MRC1: variants seen among roughly 807,000 people sequenced by gnomAD.
MRC1 encodes macrophage mannose receptor 1.
MRC1 carries 62 observed loss-of-function variants against 102.9 expected under a neutral mutation model. That is an observed-to-expected ratio of 0.60 (90% CI 0.49 to 0.74). The LOEUF (loss-of-function observed/expected upper bound fraction) is 0.74. Among genes scored for constraint, MRC1 ranks in the 30% least tolerant of loss-of-function variants. The probability of loss-of-function intolerance (pLI) is 0.00; values close to 1 mark genes in which losing one functional copy is unlikely to be tolerated. For missense variants in MRC1, 1,237 were observed against 862.8 expected (o/e 1.43, Z -5.43); for synonymous variants, 457 against 298.4 (o/e 1.53, Z -5.48).
intron 28 of MRC1, 69 bp from the exon 29 acceptor site, chr10:17,909,237 C>T: frequency 1.3e-6 from 1 of 774,672 alleles, no homozygotes; most frequent in South Asian, 1.4e-5. Flanking sequence ...TATTTGTGAG[C>T]CAAATAATAT....
Position 17,879,702 on chromosome 10 carries a change from C to T in MRC1, c.2619-19C>T, listed in dbSNP as rs1364021092. The T allele has an allele frequency of 1.7e-5, 13 of 780,674 alleles. No homozygotes were observed. The highest frequency in any genetic ancestry group is 7.2e-6 in the Non-Finnish European group (3 of 417,956). The allele number at this position is 780,674 out of a possible 1,614,324, so 48.4% of individuals were successfully genotyped here. On this transcript the variant is annotated intron_variant, in intron 18 of 29. Coordinates refer to ENST00000569591, the MANE Select transcript of MRC1 (RefSeq NM_002438.4). ...CTAATGATTGGATCGTTTCAAAATG[C>T]CTGAATTTTCTTTTCCAGTTGGATG...
chr10:17,852,228 G>T (rs1838927840), intron 7 of MRC1, among the ~76,000 whole-genome samples: 1 of 152,042 alleles, frequency 6.6e-6, no homozygotes, highest in African/African-American at 2.4e-5. Flanking sequence ...AAAACAAAAT[G>T]ATCATGTTTT....
chr10:17,851,311 C>T (rs1838912910), intron 7 of MRC1, among the ~76,000 whole-genome samples: 1 of 151,428 alleles, frequency 6.6e-6, no homozygotes, highest in African/African-American at 2.4e-5. Context: ...TTATTTTAAA[C>T]AATAAAATAA....
At chr10:17,856,996 A>G (rs1324167616) in intron 9 of MRC1, among the ~76,000 whole-genome samples, 1 of 152,234 alleles carries the variant, frequency 6.6e-6, no homozygotes, top group Non-Finnish European at 1.5e-5. Context: ...TGATTGCTAC[A>G]TCTTCTTTTC....
intron 8 of MRC1, among the ~76,000 whole-genome samples, chr10:17,855,741 G>A (rs782418505): frequency 0.11 from 16,640 of 151,882 alleles, 1,081 homozygotes; most frequent in Non-Finnish European, 0.15. Context: ...TTACATGTTT[G>A]TAGCTAGAGT....
At chr10:17,867,225 A>T in intron 12 of MRC1, among the ~76,000 whole-genome samples, 1 of 99,902 alleles carries the variant, frequency 1.0e-5, no homozygotes, top group Non-Finnish European at 2.0e-5. Flanking sequence ...TCCTTCCTCC[A>T]TCCTCCCTCC....
chr10:17,865,625 G>A (rs1440705804), intron 11 of MRC1, among the ~76,000 whole-genome samples: 4 of 152,276 alleles, frequency 2.6e-5, no homozygotes, highest in African/African-American at 7.2e-5. Context: ...AAGGAGCCTG[G>A]GGCTCGGGCC....
At chr10:17,861,835 T>G (rs1213408725) in intron 10 of MRC1, among the ~76,000 whole-genome samples, 2 of 152,168 alleles carry the variant, frequency 1.3e-5, no homozygotes, top group Non-Finnish European at 2.9e-5. Context: ...CGGCTCAAAA[T>G]CACGTTATAT....
intron 24 of MRC1, among the ~76,000 whole-genome samples, chr10:17,900,321 T>C (rs1049947026): frequency 3.3e-5 from 5 of 152,076 alleles, no homozygotes; most frequent in East Asian, 3.9e-4. Context: ...CCGTTTACCA[T>C]TGGTGCTGTT....
intron 1 of MRC1, among the ~76,000 whole-genome samples, chr10:17,813,729 A>C (rs1198337912): frequency 1.4e-5 from 2 of 139,680 alleles, no homozygotes; most frequent in African/African-American, 5.4e-5. Flanking sequence ...ACAGGGTCTC[A>C]CTCTGTCATC....
chr10:17,850,525 T>A (rs1838898943), intron 7 of MRC1, among the ~76,000 whole-genome samples: 1 of 151,934 alleles, frequency 6.6e-6, no homozygotes, highest in Non-Finnish European at 1.5e-5. Context: ...CAGAAAAAAA[T>A]AGATGAATAA....
At chr10:17,883,082 A>G (rs1420084292) in intron 21 of MRC1, among the ~76,000 whole-genome samples, 1 of 152,208 alleles carries the variant, frequency 6.6e-6, no homozygotes, top group Non-Finnish European at 1.5e-5. Flanking sequence ...GGCAAAAGTT[A>G]TGATCTTATT....
intron 7 of MRC1, among the ~76,000 whole-genome samples, chr10:17,851,021 C>T (rs1260805563): frequency 6.6e-6 from 1 of 152,154 alleles, no homozygotes; most frequent in African/African-American, 2.4e-5. Flanking sequence ...GGAATCAGAA[C>T]TGGTATGTCT....
rs964906182 is a variant in MRC1, at chr10:17,829,566, G to A, written c.637+1851G>A. Reference sequence around the variant, plus strand: ...TTTCCATTCAAGGTTTTTAGATGTCGAATTTTGTATTCGAAGTATTTTTGT... The same window carrying A: ...TTTCCATTCAAGGTTTTTAGATGTCAAATTTTGTATTCGAAGTATTTTTGT... On this transcript the variant is annotated intron_variant, in intron 3 of 29. Coordinates refer to ENST00000569591, the MANE Select transcript of MRC1 (RefSeq NM_002438.4). Among the ~76,000 whole-genome samples, 414 of 151,492 alleles carry A rather than the reference G, an allele frequency of 2.7e-3. 20 individuals are homozygous for A. The highest frequency in any genetic ancestry group is 9.3e-3 in the African/African-American group (378 of 40,812).
chr10:17,849,102 G>T (rs1193994031), intron 6 of MRC1, among the ~76,000 whole-genome samples: 1 of 148,738 alleles, frequency 6.7e-6, no homozygotes, highest in Non-Finnish European at 1.5e-5. Context: ...AATCTAATAT[G>T]TATTAGTATA....
At chr10:17,870,809 G>A in intron 13 of MRC1, 39 bp from the exon 14 acceptor site, 2 of 871,088 alleles carry the variant, frequency 2.3e-6, no homozygotes, top group Non-Finnish European at 4.0e-6. Context: ...CTTGCTTCAT[G>A]CAATAGCATA....
chr10:17,860,821 C>T (rs1234124318), intron 9 of MRC1, among the ~76,000 whole-genome samples: 4 of 152,122 alleles, frequency 2.6e-5, no homozygotes, highest in African/African-American at 9.7e-5. Context: ...GTTTTCGTTG[C>T]AAGATACATT....
At chr10:17,870,058 TC>T (rs1833332817) in intron 12 of MRC1, among the ~76,000 whole-genome samples, 187 bp from the exon 13 acceptor site, 1 of 152,140 alleles carries the variant, frequency 6.6e-6, no homozygotes. Flanking sequence ...AATAAAAGAA[TC>T]CCCCAAGTTT....
chr10:17,884,789 A>G (rs1318245373), intron 21 of MRC1, among the ~76,000 whole-genome samples: 2 of 152,290 alleles, frequency 1.3e-5, no homozygotes, highest in Middle Eastern at 3.4e-3. Flanking sequence ...GAGCCAAACC[A>G]TATCAACAGC....
Sources: allele counts gnomAD v4.1 joint callset (sites outside exome capture counted in the v4.1 genomes callset), GRCh38; gene constraint gnomAD v4.1.1; transcripts MANE v1.5; gene names NCBI Gene and HGNC (gene_info 2026-07-23, HGNC 2026-07-21).